EIF2AK2: variants seen among roughly 807,000 people sequenced by gnomAD.
EIF2AK2 encodes the protein interferon-induced, double-stranded RNA-activated protein kinase.
EIF2AK2 carries 40 observed loss-of-function variants against 70.5 expected under a neutral mutation model. The ratio of observed to expected loss-of-function variants is 0.57; its 90% CI spans 0.44 to 0.74. The LOEUF (loss-of-function observed/expected upper bound fraction) is 0.74, where lower values mean the gene tolerates loss of function less well. EIF2AK2 is among the 30% of genes least tolerant of loss of function. The pLI, the probability that EIF2AK2 is intolerant of heterozygous loss-of-function variation, is 0.00. For synonymous variants in EIF2AK2, 198 were observed against 220.9 expected, an observed-to-expected ratio of 0.90 and a Z score of 0.92; for missense variants, 555 against 644.3, an observed-to-expected ratio of 0.86 and a Z score of 1.50.
Position 37,103,682 on chromosome 2 carries a change from A to G in EIF2AK2, c.*3591T>C, listed in dbSNP as rs993946668. The G allele has an allele frequency of 3.9e-5, 6 of 152,218 alleles. No individual in the cohort carries two copies. The highest frequency in any genetic ancestry group is 1.4e-4 in the African/African-American group (6 of 41,448). 9.4% of individuals were successfully genotyped at this position (152,218 alleles called of 1,614,324 possible). A position where few individuals can be genotyped will look rare whatever the true frequency, so the allele number is the denominator to read the frequency against. ...AGAAAAGTTCAAAGAATAATACAAC[A>G]AACACCTGTGTACTGTCATCTAGAT... On this transcript the variant is annotated 3_prime_UTR_variant, in exon 17 of 17. Transcript: ENST00000233057.
At chr2:37,109,629 A>C in intron 14 of EIF2AK2, 1 of 210,306 alleles carries the variant, frequency 4.8e-6, no homozygotes, top group South Asian at 9.4e-5. Flanking sequence ...GCAACTGTTC[A>C]TAGCGTATTT....
chr2:37,123,471 C>T (rs566059693), intron 11 of EIF2AK2, among the ~76,000 whole-genome samples: 1 of 152,192 alleles, frequency 6.6e-6, no homozygotes, highest in Admixed American at 6.5e-5. Flanking sequence ...TTTTGCCACG[C>T]TGCCCATGCT....
chr2:37,126,114 C>T (rs1674719285), intron 11 of EIF2AK2, among the ~76,000 whole-genome samples, 175 bp downstream of exon 11: 1 of 151,958 alleles, frequency 6.6e-6, no homozygotes, highest in South Asian at 2.1e-4. Flanking sequence ...GAAATAACCA[C>T]AGTAAAGTGA....
At position 37,120,071 on chromosome 2, in the gene EIF2AK2, T is replaced by C; in HGVS notation, c.1136A>G (p.Glu379Gly). The C allele has an allele frequency of 6.5e-7, 1 of 1,540,172 alleles. No individual in the cohort carries two copies. The highest frequency in any genetic ancestry group is 8.8e-7 in the Non-Finnish European group (1 of 1,138,880). The change falls in exon 13 of 17, where the codon GAA (glutamate) becomes GGA (glycine). Residue 379 changes from glutamate to glycine, a missense_variant. By Grantham distance (98) the Glu-to-Gly change is moderately conservative. This residue lies in a region of EIF2AK2 where 299 missense variants were observed against 375.4 expected (regional missense o/e 0.80). Transcript: ENST00000233057. The stretch of plus-strand genomic sequence containing the variant: ...GTCTAGTTTCTCGCCTCTTCTTTTT[T>C]CAATCCATTGTTCCAAGGTCCCTTT... The part of the protein sequence containing the change: ...CDKGTLEQWI[E>G]KRRGEKLDKV...
intron 10 of EIF2AK2, among the ~76,000 whole-genome samples, chr2:37,127,262 G>A (rs1184161842): frequency 6.6e-6 from 1 of 151,962 alleles, no homozygotes; most frequent in Non-Finnish European, 1.5e-5. Flanking sequence ...GCTTCCATTA[G>A]GCCATAGCAG....
At chr2:37,146,759 T>C in intron 4 of EIF2AK2, 94 bp downstream of exon 4, 1 of 1,456,152 alleles carries the variant, frequency 6.9e-7, no homozygotes, top group South Asian at 1.3e-5. Flanking sequence ...AACGTGTGAA[T>C]GGCTTTACTC....
At chr2:37,127,343 G>A (rs1369966067) in intron 10 of EIF2AK2, among the ~76,000 whole-genome samples, 2 of 152,090 alleles carry the variant, frequency 1.3e-5, no homozygotes, top group African/African-American at 2.4e-5. Context: ...GCAACCAGAG[G>A]GATGAAAACT....
intron 13 of EIF2AK2, among the ~76,000 whole-genome samples, chr2:37,115,488 T>C (rs1425900682): frequency 1.3e-5 from 2 of 152,116 alleles, no homozygotes; most frequent in African/African-American, 2.4e-5. Flanking sequence ...TCCAGGACTA[T>C]AGGGTGGAAA....
intron 9 of EIF2AK2, chr2:37,136,663 C>T (rs4648197): frequency 0.046 from 8,154 of 175,714 alleles, 282 homozygotes; most frequent in African/African-American, 0.098. Flanking sequence ...CCTTACTTGT[C>T]TGCAAAATAA....
intron 15 of EIF2AK2, among the ~76,000 whole-genome samples, chr2:37,108,626 G>C (rs1478687744): frequency 1.3e-5 from 2 of 152,180 alleles, no homozygotes; most frequent in Non-Finnish European, 2.9e-5. Context: ...CTGGAGTGCA[G>C]TGGTGTGATC....
intron 1 of EIF2AK2, among the ~76,000 whole-genome samples, chr2:37,150,115 T>C (rs754446602): frequency 3.4e-4 from 47 of 140,250 alleles, no homozygotes; most frequent in Non-Finnish European, 6.0e-4. Flanking sequence ...GCAATAAAGA[T>C]AAATATGTCC....
chr2:37,133,282 A>G (rs1050793870), intron 10 of EIF2AK2, among the ~76,000 whole-genome samples: 8 of 152,198 alleles, frequency 5.3e-5, no homozygotes, highest in Non-Finnish European at 1.0e-4. Flanking sequence ...AGTTTTGAGC[A>G]TAAGTATTTG....
intron 14 of EIF2AK2, 84 bp from the exon 15 acceptor site, chr2:37,109,379 C>A: frequency 1.8e-6 from 2 of 1,132,036 alleles, no homozygotes; most frequent in South Asian, 1.4e-5. Flanking sequence ...GTTATTTGAC[C>A]AAAACATCTT....
chr2:37,139,957 C>T (rs1675271210), intron 5 of EIF2AK2, among the ~76,000 whole-genome samples, 200 bp from the exon 6 acceptor site: 1 of 152,188 alleles, frequency 6.6e-6, no homozygotes, highest in Admixed American at 6.5e-5. Flanking sequence ...GATCAGCTGA[C>T]ATCTGAGCTT....
intron 13 of EIF2AK2, among the ~76,000 whole-genome samples, chr2:37,118,311 C>G (rs926876048): frequency 6.6e-6 from 1 of 151,662 alleles, no homozygotes; most frequent in Non-Finnish European, 1.5e-5. Context: ...AAGACCTTGT[C>G]TCAAAAAAAA....
intron 1 of EIF2AK2, among the ~76,000 whole-genome samples, chr2:37,152,806 G>T (rs1341899733): frequency 6.6e-6 from 1 of 152,098 alleles, no homozygotes; most frequent in African/African-American, 2.4e-5. Context: ...CATCTTGAAC[G>T]AACTTTAAAC....
At chr2:37,117,779 C>T (rs377652678) in intron 13 of EIF2AK2, among the ~76,000 whole-genome samples, 79 of 152,122 alleles carry the variant, frequency 5.2e-4, no homozygotes, top group African/African-American at 1.7e-3. Flanking sequence ...CCCTTCCCAG[C>T]GCCTTTGGTC....
rs1479217064 is a variant in EIF2AK2, at chr2:37,102,950, C to G, written c.*4323G>C. 6.6e-6 allele frequency: 1 copy of G among 151,842 alleles called. No homozygotes were observed. Among genetic ancestry groups the G allele is most frequent in the African/African-American group, 2.4e-5 (1 of 41,298 alleles). The allele number at this position is 151,842 out of a possible 1,614,324, so 9.4% of individuals were successfully genotyped here. A position where few individuals can be genotyped will look rare whatever the true frequency, so the allele number is the denominator to read the frequency against. ...CATGTGGTTTAGTGATAAAAATTCC[C>G]TAAAAGGTATGTTTCTAGGGAGGCA... On this transcript the variant is annotated 3_prime_UTR_variant, in exon 17 of 17. Transcript: ENST00000233057.
intron 13 of EIF2AK2, among the ~76,000 whole-genome samples, chr2:37,118,365 G>C (rs1310992804): frequency 1.3e-5 from 2 of 152,036 alleles, no homozygotes; most frequent in Non-Finnish European, 2.9e-5. Flanking sequence ...TCTGACCCTT[G>C]AGCAACTGCA....
Sources: gnomAD v4.1 joint callset for allele counts (sites outside exome capture counted in the v4.1 genomes callset) on GRCh38, gnomAD v4.1.1 for gene constraint, gnomAD v4.1.1 regional missense constraint, MANE v1.5 for transcripts, NCBI Gene and HGNC (gene_info 2026-07-23, HGNC 2026-07-21) for gene names.